Variants in SMOC2 observed in about 807,000 individuals in gnomAD.
The protein encoded by SMOC2 is SPARC related modular calcium binding 2.
SMOC2 carries 39 observed loss-of-function variants against 61.4 expected under a neutral mutation model. That is an observed-to-expected ratio of 0.64 (90% CI 0.49 to 0.83). The LOEUF (loss-of-function observed/expected upper bound fraction) is 0.83. Among genes scored for constraint, SMOC2 ranks in the 40% least tolerant of loss-of-function variants. The pLI, the probability that SMOC2 is intolerant of heterozygous loss-of-function variation, is 0.00. For synonymous variants in SMOC2, 247 were observed against 239.9 expected, an observed-to-expected ratio of 1.03 and a Z score of -0.27; for missense variants, 556 against 592.9, an observed-to-expected ratio of 0.94 and a Z score of 0.65.
intron 9 of SMOC2, among the ~76,000 whole-genome samples, chr6:168,646,279 C>T (rs1235380839): frequency 6.6e-6 from 1 of 152,174 alleles, no homozygotes; most frequent in African/African-American, 2.4e-5. Flanking sequence ...TCCAGACCCA[C>T]GATTGTGCCA....
At chr6:168,564,039 A>G (rs1784486574) in intron 7 of SMOC2, among the ~76,000 whole-genome samples, 1 of 152,150 alleles carries the variant, frequency 6.6e-6, no homozygotes, top group South Asian at 2.1e-4. Flanking sequence ...TCTCAGGTAA[A>G]TTGTTTTATC....
intron 8 of SMOC2, among the ~76,000 whole-genome samples, chr6:168,599,656 C>T (rs1183019670): frequency 1.0e-5 from 1 of 97,338 alleles, no homozygotes; most frequent in Non-Finnish European, 2.2e-5. Context: ...ACACTCATAC[C>T]CACACTCACA....
chr6:168,551,247 G>A (rs542672273), intron 7 of SMOC2, among the ~76,000 whole-genome samples: 25 of 152,226 alleles, frequency 1.6e-4, no homozygotes, highest in East Asian at 1.2e-3. Flanking sequence ...ATGCTGAACC[G>A]TGAGTCCATT....
At chr6:168,579,857 A>C (rs145735908) in intron 7 of SMOC2, among the ~76,000 whole-genome samples, 1 of 152,332 alleles carries the variant, frequency 6.6e-6, no homozygotes, top group African/African-American at 2.4e-5. Context: ...GAATGGAATC[A>C]GGGCTAACTT....
rs573005517 is a variant in SMOC2 at position 168,606,368 on chromosome 6, A to G, written c.825-1789A>G. On this transcript the variant is annotated intron_variant, in intron 8 of 12. Coordinates refer to ENST00000356284, the MANE Select transcript of SMOC2 (RefSeq NM_001166412.2). ...GTCAGAGACTTTAATTTCAAAAACA[A>G]TATTTCAAAAAGATATATTAAGTTT... is the stretch of plus-strand genomic sequence containing the variant. Among the ~76,000 whole-genome samples the G allele has an allele frequency of 4.6e-5, 7 of 152,274 alleles. No individual in the cohort carries two copies. The South Asian group carries it at 8.3e-4, about 18-fold the overall frequency.
chr6:168,532,150 G>A (rs547333669), intron 4 of SMOC2, among the ~76,000 whole-genome samples: 1 of 152,306 alleles, frequency 6.6e-6, no homozygotes, highest in African/African-American at 2.4e-5. Context: ...TTTAGGGCAG[G>A]TGTTTCTTGC....
Position 168,599,054 on chromosome 6 carries a change from G to A in SMOC2, c.824+50G>A, listed in dbSNP as rs770160403. 3.3e-6 allele frequency: 5 copies of A among 1,502,258 alleles called. No individual in the cohort carries two copies. The East Asian group carries it at 7.4e-5, about 22-fold the overall frequency. The allele number at this position is 1,502,258 out of a possible 1,614,324, so 93.1% of individuals were successfully genotyped here. A position where few individuals can be genotyped will look rare whatever the true frequency, so the allele number is the denominator to read the frequency against. On this transcript the variant is annotated intron_variant, in intron 8 of 12. Coordinates refer to ENST00000356284, the MANE Select transcript of SMOC2 (RefSeq NM_001166412.2). ...CCGGGACCATGGGAGGCTTTGGGGT[G>A]TGGAAGCCAGGAAAGCAGAACCCCC...
intron 9 of SMOC2, among the ~76,000 whole-genome samples, chr6:168,612,597 TTAC>T (rs1785908637): frequency 6.6e-6 from 1 of 152,138 alleles, no homozygotes; most frequent in African/African-American, 2.4e-5. Context: ...ACCCCAGCCT[TTAC>T]TCAAACAGCA....
Position 168,467,125 on chromosome 6 carries a change from C to T in SMOC2, c.84+25671C>T, listed in dbSNP as rs1436194115. Among the ~76,000 whole-genome samples the T allele has an allele frequency of 2.2e-5, 3 of 136,824 alleles. No homozygotes were observed. The East Asian group carries it at 6.4e-4, about 29-fold the overall frequency. 89.8% of individuals were successfully genotyped at this position (136,824 alleles called of 152,430 possible). A position where few individuals can be genotyped will look rare whatever the true frequency, so the allele number is the denominator to read the frequency against. On this transcript the variant is annotated intron_variant, in intron 1 of 12. Transcript: ENST00000356284. Reference sequence around the variant, plus strand: ...TGCAGTGGGAGTGTGCTTAACAAATCAGTGCTCTCAAACACACACACACAC... The same window carrying T: ...TGCAGTGGGAGTGTGCTTAACAAATTAGTGCTCTCAAACACACACACACAC...
intron 8 of SMOC2, among the ~76,000 whole-genome samples, chr6:168,607,790 C>T (rs980346821): frequency 6.6e-6 from 1 of 151,294 alleles, no homozygotes; most frequent in Non-Finnish European, 1.5e-5. Context: ...CTCCATCCAA[C>T]CCTGCAACGG....
chr6:168,619,327 C>T (rs1289281380), intron 9 of SMOC2, among the ~76,000 whole-genome samples: 2 of 150,578 alleles, frequency 1.3e-5, no homozygotes, highest in South Asian at 2.1e-4. Context: ...TTTAGATTTA[C>T]GTTCATCATG....
intron 7 of SMOC2, among the ~76,000 whole-genome samples, chr6:168,589,618 G>T (rs1425889880): frequency 6.6e-6 from 1 of 152,216 alleles, no homozygotes; most frequent in Non-Finnish European, 1.5e-5. Context: ...TGGTGGTCAG[G>T]TGTGGCATTA....
intron 1 of SMOC2, among the ~76,000 whole-genome samples, chr6:168,484,462 G>A (rs1380059848): frequency 1.3e-5 from 2 of 152,166 alleles, no homozygotes; most frequent in Admixed American, 1.3e-4. Flanking sequence ...CAAGGATGTG[G>A]AGAAATTGGA....
intron 4 of SMOC2, among the ~76,000 whole-genome samples, chr6:168,540,944 G>C (rs13208776): frequency 5.3e-5 from 8 of 152,112 alleles, no homozygotes; most frequent in Non-Finnish European, 1.0e-4. Context: ...TGGGAAGGGC[G>C]TCTGGAAGGA....
intron 2 of SMOC2, among the ~76,000 whole-genome samples, chr6:168,514,312 C>T (rs545062953): frequency 2.6e-4 from 40 of 151,912 alleles, no homozygotes; most frequent in Admixed American, 1.3e-3. Context: ...CTTCCACTGC[C>T]GATACTCTAC....
At chr6:168,628,597 C>T (rs1208976662) in intron 9 of SMOC2, among the ~76,000 whole-genome samples, 1 of 152,234 alleles carries the variant, frequency 6.6e-6, no homozygotes, top group African/African-American at 2.4e-5. Flanking sequence ...ATGTATCCAA[C>T]ATAAATTATA....
At chr6:168,443,695 C>T (rs1001288453) in intron 1 of SMOC2, among the ~76,000 whole-genome samples, 2 of 152,090 alleles carry the variant, frequency 1.3e-5, no homozygotes, top group Admixed American at 6.5e-5. Flanking sequence ...TTTCAAATTG[C>T]CTTCTGGTTT....
intron 1 of SMOC2, among the ~76,000 whole-genome samples, chr6:168,456,587 C>A (rs1184320315): frequency 6.6e-6 from 1 of 152,212 alleles, no homozygotes; most frequent in Non-Finnish European, 1.5e-5. Context: ...CTGTCAGCAA[C>A]CCCAGTGCCG....
In SMOC2 at chr6:168,501,223, A is replaced by G. The variant is rs142449292; in HGVS notation, c.85-8692A>G. ...ATCTCAAATAAAACTGGATTGGAAC[A>G]ATGAATAACCTGAGAGATTTCTTAA... On this transcript the variant is annotated intron_variant, in intron 1 of 12. Coordinates refer to ENST00000356284, the MANE Select transcript of SMOC2 (RefSeq NM_001166412.2). 2.1e-3 allele frequency among the ~76,000 whole-genome samples: 320 copies of G among 152,378 alleles called. 3 individuals carry two copies. Among genetic ancestry groups the G allele is most frequent in the Admixed American group, 5.9e-3 (90 of 15,306 alleles).
Sources: allele counts gnomAD v4.1 joint callset (sites outside exome capture counted in the v4.1 genomes callset), GRCh38; gene constraint gnomAD v4.1.1; transcripts MANE v1.5; gene names NCBI Gene and HGNC (gene_info 2026-07-23, HGNC 2026-07-21).